The following AKAP13 variants were observed in gnomAD, a reference collection of about 807,000 sequenced individuals.
AKAP13 encodes A-kinase anchor protein 13.
A neutral mutation model predicts 264.5 loss-of-function variants in AKAP13; 80 were observed. The observed-to-expected ratio is 0.30, with a 90% CI of 0.25 to 0.36. AKAP13 has a LOEUF of 0.36. Among genes scored for constraint, AKAP13 ranks in the 10% least tolerant of loss-of-function variants. The pLI, the probability that AKAP13 is intolerant of heterozygous loss-of-function variation, is 1.00. For missense variants in AKAP13, 3,712 were observed against 3,435.2 expected (o/e 1.08, Z -2.01); for synonymous variants, 1,380 against 1,250.2 (o/e 1.10, Z -2.19).
At chr15:85,433,903 T>C (rs1297692328) in intron 1 of AKAP13, among the ~76,000 whole-genome samples, 1 of 151,534 alleles carries the variant, frequency 6.6e-6, no homozygotes, top group Non-Finnish European at 1.5e-5. Flanking sequence ...ATTGTGCCAT[T>C]GCACTCCAGC....
intron 2 of AKAP13, among the ~76,000 whole-genome samples, chr15:85,502,512 A>G (rs892018550): frequency 4.6e-5 from 7 of 152,220 alleles, no homozygotes; most frequent in Non-Finnish European, 7.3e-5. Context: ...TTAGGCCTGG[A>G]AATGTGTAAT....
intron 5 of AKAP13, among the ~76,000 whole-genome samples, chr15:85,573,705 CT>C (rs2078905860): frequency 1.3e-5 from 2 of 152,098 alleles, no homozygotes; most frequent in South Asian, 4.1e-4. Context: ...TGCTAGGCAC[CT>C]TATCAGAATG....
chr15:85,572,195 G>A (rs935251524), intron 5 of AKAP13, among the ~76,000 whole-genome samples: 3 of 152,166 alleles, frequency 2.0e-5, no homozygotes, highest in African/African-American at 7.2e-5. Context: ...CTCTAATCTT[G>A]TTATATTTGG....
intron 3 of AKAP13, 63 bp from the exon 4 acceptor site, chr15:85,533,521 A>T (rs990557409): frequency 6.8e-7 from 1 of 1,477,256 alleles, no homozygotes. Flanking sequence ...AAGAGGATCC[A>T]CTAGCGTCCT....
chr15:85,629,661 A>G (rs1014351445), intron 8 of AKAP13, among the ~76,000 whole-genome samples: 1 of 152,018 alleles, frequency 6.6e-6, no homozygotes, highest in African/African-American at 2.4e-5. Context: ...CTTCCTCTCT[A>G]AAATGGCAAC....
chr15:85,425,029 A>G (rs893263145), intron 1 of AKAP13, among the ~76,000 whole-genome samples: 11 of 152,182 alleles, frequency 7.2e-5, no homozygotes, highest in African/African-American at 2.2e-4. Flanking sequence ...TAAAAGATCA[A>G]TGATCACAGA....
chr15:85,733,877 T>TC (rs1555465122), intron 30 of AKAP13, among the ~76,000 whole-genome samples: 2 of 141,366 alleles, frequency 1.4e-5, no homozygotes, highest in African/African-American at 2.6e-5. Flanking sequence ...TCTTTTCTTT[T>TC]TTTTTTTTTT....
chr15:85,554,141 T>G (rs965604530), intron 5 of AKAP13, among the ~76,000 whole-genome samples: 1 of 152,196 alleles, frequency 6.6e-6, no homozygotes, highest in African/African-American at 2.4e-5. Flanking sequence ...TAATCCTTGT[T>G]CAGCAGGCAT....
At position 85,708,107 on chromosome 15, in the gene AKAP13, C is replaced by T. The variant is rs778512537; in HGVS notation, c.5532+21C>T. On this transcript the variant is annotated intron_variant, in intron 18 of 36. Coordinates refer to ENST00000394518, the MANE Select transcript of AKAP13 (RefSeq NM_007200.5). The surrounding 1 kb of genome is among the most constrained non-coding windows in gnomAD (Gnocchi z 4.3). ...TGAAGGTAAGACTTTCTGGCTAAAA[C>T]AAGGCTTAAAATAAAAGGGTTTAAA... 6.2e-7 allele frequency: 1 copy of T among 1,612,298 alleles called. No homozygotes were observed. The highest frequency in any genetic ancestry group is 1.7e-5 in the Admixed American group (1 of 59,934).
At chr15:85,622,287 C>T (rs913839389) in intron 8 of AKAP13, among the ~76,000 whole-genome samples, 3 of 152,042 alleles carry the variant, frequency 2.0e-5, no homozygotes, top group African/African-American at 2.4e-5. Flanking sequence ...AAGATCTTTT[C>T]GAGGTGCAGA....
chr15:85,393,134 T>C (rs1265510760), intron 1 of AKAP13, among the ~76,000 whole-genome samples: 2 of 152,232 alleles, frequency 1.3e-5, no homozygotes, highest in African/African-American at 2.4e-5. Context: ...GGAGGTCCGT[T>C]GTGACATTGC....
chr15:85,453,515 G>C (rs2074166653), intron 1 of AKAP13, among the ~76,000 whole-genome samples: 1 of 152,246 alleles, frequency 6.6e-6, no homozygotes, highest in African/African-American at 2.4e-5. Context: ...TTGTCCCAGG[G>C]AGGAATGACC....
At position 85,734,559 on chromosome 15, in the gene AKAP13, G is replaced by C. The variant is rs528963333; in HGVS notation, c.7283-433G>C. 4.6e-5 allele frequency among the ~76,000 whole-genome samples: 7 copies of C among 152,270 alleles called. No homozygotes were observed. The South Asian group carries it at 1.2e-3, about 27-fold the overall frequency. ...CCTAGAAAAGAACCCTAGTGGGCCA[G>C]AGTTGAGATGCAAATTCTTAGACTA... On this transcript the variant is annotated intron_variant, in intron 30 of 36. Transcript: ENST00000394518.
intron 8 of AKAP13, among the ~76,000 whole-genome samples, chr15:85,616,717 A>C (rs929883595): frequency 6.6e-6 from 1 of 152,258 alleles, no homozygotes; most frequent in African/African-American, 2.4e-5. Context: ...GTATTTCAAA[A>C]TCCTGGCAGA....
At chr15:85,645,734 G>A in intron 9 of AKAP13, 84 bp from the exon 10 acceptor site, 1 of 1,379,654 alleles carries the variant, frequency 7.2e-7, no homozygotes, top group East Asian at 2.4e-5. Flanking sequence ...CTGGTTGCTG[G>A]GGTGAAAAGG....
intron 8 of AKAP13, among the ~76,000 whole-genome samples, chr15:85,610,634 A>G (rs1319572083): frequency 4.6e-5 from 7 of 152,330 alleles, no homozygotes. Flanking sequence ...CATTTTCTCT[A>G]AAGGAAAAAA....
At chr15:85,520,454 C>T (rs1163210544) in intron 2 of AKAP13, among the ~76,000 whole-genome samples, 2 of 142,556 alleles carry the variant, frequency 1.4e-5, no homozygotes, top group African/African-American at 5.4e-5. Context: ...GCTGAGATCA[C>T]GCCACTGCAC....
Position 85,646,698 on chromosome 15 carries a change from T to C in AKAP13, c.4374+744T>C, listed in dbSNP as rs746036264. 1.2e-4 allele frequency among the ~76,000 whole-genome samples: 19 copies of C among 152,314 alleles called. No homozygotes were observed. In the East Asian group the frequency reaches 1.9e-3, roughly 15 times the overall value. On this transcript the variant is annotated intron_variant, in intron 10 of 36. Coordinates refer to ENST00000394518, the MANE Select transcript of AKAP13 (RefSeq NM_007200.5). The stretch of plus-strand genomic sequence containing the variant: ...AAGCTTCCTGCTGAGTGTGGTCATA[T>C]CACTCATCCTCATCTAGCCTGCCTA...
chr15:85,543,095 G>A (rs1015724589), intron 4 of AKAP13, among the ~76,000 whole-genome samples: 3 of 152,116 alleles, frequency 2.0e-5, no homozygotes, highest in African/African-American at 4.8e-5. Flanking sequence ...TTAAATAAAC[G>A]TTTTCCTTTC....
Sources: allele counts gnomAD v4.1 joint callset (sites outside exome capture counted in the v4.1 genomes callset), GRCh38; gene constraint gnomAD v4.1.1; non-coding constraint Gnocchi (gnomAD v3.1); transcripts MANE v1.5; gene names NCBI Gene and HGNC (gene_info 2026-07-23, HGNC 2026-07-21).